The following MACROH2A1 variants were observed in gnomAD, a reference collection of about 807,000 sequenced individuals.
MACROH2A1 encodes core histone macro-H2A.1.
MACROH2A1 carries 2 observed loss-of-function variants against 31.6 expected under a neutral mutation model. The observed-to-expected ratio is 0.06, with a 90% CI of 0.03 to 0.20. The LOEUF (loss-of-function observed/expected upper bound fraction) is 0.20, where lower values mean the gene tolerates loss of function less well. Among genes scored for constraint, MACROH2A1 ranks in the 10% least tolerant of loss-of-function variants. The pLI is 1.00. For synonymous variants in MACROH2A1, 169 were observed against 189.6 expected, an observed-to-expected ratio of 0.89 and a Z score of 0.89; for missense variants, 230 against 474.0, an observed-to-expected ratio of 0.49 and a Z score of 4.78.
intron 6 of MACROH2A1, among the ~76,000 whole-genome samples, chr5:135,349,083 G>C (rs2149761304): frequency 6.6e-6 from 1 of 152,262 alleles, no homozygotes; most frequent in East Asian, 1.9e-4. Context: ...CTGCCTCCTG[G>C]CATGGCTAAT....
intron 5 of MACROH2A1, chr5:135,358,246 T>G: frequency 1.0e-6 from 1 of 985,378 alleles, no homozygotes; most frequent in Non-Finnish European, 1.2e-6. Context: ...CAATGCTCAC[T>G]CCGTCTCATG....
chr5:135,386,551 G>C (rs970933403), intron 2 of MACROH2A1, among the ~76,000 whole-genome samples: 1 of 152,184 alleles, frequency 6.6e-6, no homozygotes, highest in Non-Finnish European at 1.5e-5. Context: ...TGATAGTGAT[G>C]GGCTCTCCTG....
chr5:135,384,654 C>T (rs779569), intron 2 of MACROH2A1, among the ~76,000 whole-genome samples: 5 of 152,154 alleles, frequency 3.3e-5, no homozygotes, highest in Admixed American at 6.5e-5. Flanking sequence ...GGAAAAAGAA[C>T]AAGATTACTG....
intron 4 of MACROH2A1, chr5:135,362,009 A>C (rs1358145566): frequency 1.3e-5 from 2 of 152,220 alleles, no homozygotes; most frequent in Admixed American, 1.3e-4. Flanking sequence ...TTTCCTACTG[A>C]GTGTTTAACA....
chr5:135,343,021 C>A, intron 8 of MACROH2A1: 1 of 878,758 alleles, frequency 1.1e-6, no homozygotes, highest in Non-Finnish European at 1.7e-6. Context: ...CTGGGTTCCC[C>A]TTCTGTGATG....
chr5:135,384,721 A>G (rs1040595849), intron 2 of MACROH2A1, among the ~76,000 whole-genome samples: 1 of 152,214 alleles, frequency 6.6e-6, no homozygotes, highest in African/African-American at 2.4e-5. Flanking sequence ...ACATCTGGGC[A>G]CTTACAATGT....
intron 5 of MACROH2A1, chr5:135,354,625 T>C: frequency 5.4e-6 from 1 of 186,646 alleles, no homozygotes; most frequent in Non-Finnish European, 1.1e-5. Context: ...CTCAGAGCCC[T>C]GGCACCAGGA....
intron 6 of MACROH2A1, among the ~76,000 whole-genome samples, chr5:135,352,096 A>C (rs1761657478): frequency 6.6e-6 from 1 of 152,228 alleles, no homozygotes; most frequent in Admixed American, 6.5e-5. Context: ...TGACAAAAAC[A>C]GCAGAAGCTG....
intron 6 of MACROH2A1, among the ~76,000 whole-genome samples, chr5:135,348,014 A>T (rs1761065612): frequency 6.6e-6 from 1 of 152,264 alleles, no homozygotes; most frequent in African/African-American, 2.4e-5. Context: ...GTTTTATCTT[A>T]GGAAGAGTGT....
At chr5:135,385,638 A>T (rs1253474308) in intron 2 of MACROH2A1, among the ~76,000 whole-genome samples, 1 of 152,038 alleles carries the variant, frequency 6.6e-6, no homozygotes, top group Non-Finnish European at 1.5e-5. Context: ...CCTGGCACCC[A>T]GCAGGCGCAT....
At position 135,359,026 on chromosome 5, in the gene MACROH2A1, G is replaced by A. The variant is rs905225568; in HGVS notation, c.588+1471C>T. ...TTCAGAAGATCACAGCAACAAGAAG[G>A]GCATCTGCATTTTGCATGGACATTT... On this transcript the variant is annotated intron_variant, in intron 5 of 8. Coordinates refer to ENST00000511689, the MANE Select transcript of MACROH2A1 (RefSeq NM_138610.3). 3 of 985,146 alleles carry A rather than the reference G, an allele frequency of 3.0e-6. No homozygotes were observed. The African/African-American group carries it at 5.2e-5, about 17-fold the overall frequency. 61.0% of individuals were successfully genotyped at this position (985,146 alleles called of 1,614,324 possible).
chr5:135,367,070 T>C (rs1334951181), intron 4 of MACROH2A1, among the ~76,000 whole-genome samples: 2 of 152,214 alleles, frequency 1.3e-5, no homozygotes, highest in Non-Finnish European at 1.5e-5. Flanking sequence ...GGAATTCAAG[T>C]GTTGACACCT....
At chr5:135,346,101 C>G in intron 6 of MACROH2A1, 44 bp from the exon 7 acceptor site, 2 of 1,123,222 alleles carry the variant, frequency 1.8e-6, no homozygotes, top group South Asian at 1.2e-5. Context: ...TCTGTGTCTC[C>G]GGCACACACA....
At chr5:135,382,334 A>G (rs1243968214) in intron 2 of MACROH2A1, among the ~76,000 whole-genome samples, 1 of 152,250 alleles carries the variant, frequency 6.6e-6, no homozygotes, top group African/African-American at 2.4e-5. Flanking sequence ...TGATATCATG[A>G]GACAGCAGTG....
chr5:135,349,876 T>A (rs1394329119), intron 6 of MACROH2A1, among the ~76,000 whole-genome samples: 1 of 152,220 alleles, frequency 6.6e-6, no homozygotes, highest in African/African-American at 2.4e-5. Flanking sequence ...TTCCCATCAT[T>A]ACCATTACTT....
Position 135,352,941 on chromosome 5 carries a change from A to G in MACROH2A1, c.688+5T>C, listed in dbSNP as rs961943269. 1.4e-6 allele frequency: 2 copies of G among 1,459,352 alleles called. No individual in the cohort carries two copies. Among genetic ancestry groups the G allele is most frequent in the Admixed American group, 3.3e-5 (2 of 59,802 alleles). The allele number at this position is 1,459,352 out of a possible 1,614,324, so 90.4% of individuals were successfully genotyped here. On this transcript the variant is annotated splice_donor_5th_base_variant and intron_variant, in intron 6 of 8. Transcript: ENST00000511689. The stretch of plus-strand genomic sequence containing the variant: ...CTGGTGGTGCCGAACCCCGTCCCCA[A>G]TTACCTAGGTCATCTTTAAGGTCAA...
Position 135,388,570 on chromosome 5 carries a change from T to C in MACROH2A1, c.172+352A>G, listed in dbSNP as rs574538206. ...AACAAACTGGCAGTCAAATGCAATATATGATCCTGAAATGGATCCTGGATT... is the reference window on the plus strand; with the variant it reads ...AACAAACTGGCAGTCAAATGCAATACATGATCCTGAAATGGATCCTGGATT... On this transcript the variant is annotated intron_variant, in intron 2 of 8. Coordinates refer to ENST00000511689, the MANE Select transcript of MACROH2A1 (RefSeq NM_138610.3). Among the ~76,000 whole-genome samples the C allele has an allele frequency of 2.6e-5, 4 of 152,352 alleles. No homozygotes were observed. The South Asian group carries it at 8.3e-4, about 32-fold the overall frequency.
At chr5:135,347,455 G>C (rs1318072409) in intron 6 of MACROH2A1, 20 of 152,216 alleles carry the variant, frequency 1.3e-4, no homozygotes. Flanking sequence ...GCATCCTTGA[G>C]GTGGGATTTT....
At chr5:135,338,994 C>T (rs997167017) in intron 8 of MACROH2A1, among the ~76,000 whole-genome samples, 9 of 152,200 alleles carry the variant, frequency 5.9e-5, no homozygotes, top group Admixed American at 1.3e-4. Flanking sequence ...CGGCCACCAT[C>T]AGCCCCACCT....
Sources: gnomAD v4.1 joint callset for allele counts (sites outside exome capture counted in the v4.1 genomes callset) on GRCh38, gnomAD v4.1.1 for gene constraint, MANE v1.5 for transcripts, NCBI Gene and HGNC (gene_info 2026-07-23, HGNC 2026-07-21) for gene names.